Variants in TOP2B observed in about 807,000 individuals in gnomAD.
TOP2B encodes DNA topoisomerase 2-beta.
A neutral mutation model predicts 193.5 loss-of-function variants in TOP2B; 51 were observed. The observed-to-expected ratio is 0.26, with a 90% confidence interval of 0.21 to 0.33. The LOEUF is 0.33. TOP2B is among the 10% of genes least tolerant of loss of function. TOP2B has a pLI of 1.00. For missense variants in TOP2B, 1,378 were observed against 1,909.3 expected, an observed-to-expected ratio of 0.72 and a Z score of 5.19; for synonymous variants, 634 against 635.7, an observed-to-expected ratio of 1.00 and a Z score of 0.04.
chr3:25,598,206 T>TCATCACATTAAAATAAGC lies in TOP2B; in HGVS notation c.*83_*100dup. 8.0e-7 allele frequency: 1 copy of TCATCACATTAAAATAAGC among 1,249,822 alleles called. No individual in the cohort carries two copies. The highest frequency in any genetic ancestry group is 2.4e-5 in the East Asian group (1 of 42,004). 77.4% of individuals were successfully genotyped at this position (1,249,822 alleles called of 1,614,324 possible). ...CAATAATAAAAAACCGTCAATTACA[T>TCATCACATTAAAATAAGC]CATCACATTAAAATAAGCCAGATGT... On this transcript the variant is annotated 3_prime_UTR_variant, in exon 36 of 36. Coordinates refer to ENST00000264331, the MANE Select transcript of TOP2B (RefSeq NM_001330700.2).
chr3:25,620,831 G>A lies in TOP2B; in HGVS notation c.2728-15C>T, dbSNP rs1272007150. On this transcript the variant is annotated splice_polypyrimidine_tract_variant and intron_variant, in intron 21 of 35. Transcript: ENST00000264331. ...TAGTTTGGAAGCTGTAGAGAAAAAG[G>A]TAAATAGCATTGACTTCTCTCTTGA... 6.2e-7 allele frequency: 1 copy of A among 1,611,536 alleles called. No individual in the cohort carries two copies. Among genetic ancestry groups the A allele is most frequent in the African/African-American group, 1.3e-5 (1 of 74,900 alleles).
At chr3:25,641,530 A>C (rs923287136) in intron 4 of TOP2B, among the ~76,000 whole-genome samples, 1 of 130,992 alleles carries the variant, frequency 7.6e-6, no homozygotes, top group Non-Finnish European at 1.6e-5. Context: ...TTTAAAAAAA[A>C]ATGGAGAAAA....
intron 1 of TOP2B, among the ~76,000 whole-genome samples, chr3:25,655,158 T>G (rs1703707726): frequency 1.3e-5 from 2 of 152,164 alleles, no homozygotes; most frequent in Non-Finnish European, 2.9e-5. Context: ...ATCAAATGGT[T>G]AATATCCAAA....
chr3:25,645,322 C>A lies in TOP2B; in HGVS notation c.218G>T (p.Gly73Val). Reference sequence around the variant, plus strand: ...TACCTGCGTCAATGGCTCCACTGACCCAATATATGTATCAGGACGAAGAAG... The same window carrying A: ...TACCTGCGTCAATGGCTCCACTGACACAATATATGTATCAGGACGAAGAAG... The part of the protein sequence containing the change: ...HILLRPDTYI[G>V]SVEPLTQFMW... The change falls in exon 2 of 36, where the codon GGG becomes GTG. Residue 73 changes from glycine (G) to valine (V), a missense_variant. Gly to Val is a moderately radical substitution (Grantham distance 109). Transcript: ENST00000264331. 6.2e-7 allele frequency: 1 copy of A among 1,601,012 alleles called. No individual in the cohort carries two copies. Among genetic ancestry groups the A allele is most frequent in the South Asian group, 1.1e-5 (1 of 88,580 alleles).
chr3:25,643,023 T>C (rs1703308596), intron 3 of TOP2B, among the ~76,000 whole-genome samples: 1 of 152,086 alleles, frequency 6.6e-6, no homozygotes, highest in Non-Finnish European at 1.5e-5. Context: ...AGAGTAAAGG[T>C]ATAAAATGCA....
At position 25,615,191 on chromosome 3, in the gene TOP2B, G is replaced by A; in HGVS notation, c.3591+14C>T. The A allele has an allele frequency of 6.3e-7, 1 of 1,588,182 alleles. No homozygotes were observed. Among genetic ancestry groups the A allele is most frequent in the Non-Finnish European group, 8.6e-7 (1 of 1,169,244 alleles). On this transcript the variant is annotated intron_variant, in intron 27 of 35. Coordinates refer to ENST00000264331, the MANE Select transcript of TOP2B (RefSeq NM_001330700.2). ...TGACTTTTCCAAATAAATTTTAATA[G>A]AGACTTAACCTACATCCAGTTCTTC... is the stretch of plus-strand genomic sequence containing the variant.
At chr3:25,619,260 C>A (rs956006875) in intron 23 of TOP2B, among the ~76,000 whole-genome samples, 1 of 150,736 alleles carries the variant, frequency 6.6e-6, no homozygotes, top group African/African-American at 2.5e-5. Context: ...TGTCCCCTTT[C>A]TCTCGCTTTC....
chr3:25,612,683 A>G lies in TOP2B; in HGVS notation c.3618T>C (p.Asp1206=), dbSNP rs1702406307. Residue 1206 remains aspartate, a synonymous_variant, in exon 28 of 36, where the codon GAT becomes GAC. Transcript: ENST00000264331. ...CTTTTCCAGACATTCCAGCCAGAAC[A>G]TCTTCTCGTTCTTGAGATTCCACTT... ...LDKVESQERE[D]VLAGMSGKAI... is the part of the protein sequence containing the mutation. 1.2e-6 allele frequency: 2 copies of G among 1,613,454 alleles called. No homozygotes were observed. Among genetic ancestry groups the G allele is most frequent in the African/African-American group, 1.3e-5 (1 of 74,916 alleles).
Position 25,619,810 on chromosome 3 carries a change from C to T in TOP2B, c.3063+52G>A, listed in dbSNP as rs562984557. On this transcript the variant is annotated intron_variant, in intron 23 of 35. Coordinates refer to ENST00000264331, the MANE Select transcript of TOP2B (RefSeq NM_001330700.2). ...CATCATGAAACCAATTATAATAATCCGACTTATACCATGCAAGAAAGATTA... is the reference window on the plus strand; with the variant it reads ...CATCATGAAACCAATTATAATAATCTGACTTATACCATGCAAGAAAGATTA... 1.3e-4 allele frequency: 168 copies of T among 1,339,826 alleles called. 2 individuals carry two copies. Among genetic ancestry groups the T allele is most frequent in the South Asian group, 7.1e-4 (56 of 78,504 alleles). The allele number at this position is 1,339,826 out of a possible 1,614,324, so 83.0% of individuals were successfully genotyped here. A position where few individuals can be genotyped will look rare whatever the true frequency, so the allele number is the denominator to read the frequency against.
intron 2 of TOP2B, among the ~76,000 whole-genome samples, chr3:25,644,581 A>G (rs1411545147): frequency 6.6e-6 from 1 of 151,358 alleles, no homozygotes; most frequent in African/African-American, 2.4e-5. Flanking sequence ...CATGCCTGTA[A>G]TCCCAGCTAC....
At chr3:25,663,782 A>G (rs1703991092) in intron 1 of TOP2B, among the ~76,000 whole-genome samples, 2 of 152,242 alleles carry the variant, frequency 1.3e-5, no homozygotes, top group South Asian at 4.1e-4. Context: ...TTAAAGCCCC[A>G]GAAAGAGCTG....
At position 25,664,762 on chromosome 3, in the gene TOP2B, G is replaced by A; in HGVS notation, c.-465C>T. 4 of 988,434 alleles carry A rather than the reference G, an allele frequency of 4.0e-6. No homozygotes were observed. Among genetic ancestry groups the A allele is most frequent in the Non-Finnish European group, 4.8e-6 (4 of 830,794 alleles). 61.2% of individuals were successfully genotyped at this position (988,434 alleles called of 1,614,324 possible). A position where few individuals can be genotyped will look rare whatever the true frequency, so the allele number is the denominator to read the frequency against. ...CTCGAGTCGCCAGAGTAGTCGTCCCGGTCGCCGCCGCTGCTTCAAAGGCAG... is the reference window on the plus strand; with the variant it reads ...CTCGAGTCGCCAGAGTAGTCGTCCCAGTCGCCGCCGCTGCTTCAAAGGCAG... On this transcript the variant is annotated 5_prime_UTR_variant, in exon 1 of 36. Transcript: ENST00000264331.
chr3:25,616,390 T>C (rs1375809589), intron 25 of TOP2B, among the ~76,000 whole-genome samples: 1 of 150,012 alleles, frequency 6.7e-6, no homozygotes, highest in Non-Finnish European at 1.5e-5. Flanking sequence ...AAGCAAAAAG[T>C]TTACTTTTGG....
chr3:25,627,766 T>TG (rs1559499992), intron 15 of TOP2B, among the ~76,000 whole-genome samples: 1 of 152,010 alleles, frequency 6.6e-6, no homozygotes. Context: ...ATCCTGACTT[T>TG]GGAAAAAAAC....
chr3:25,635,874 G>T, intron 7 of TOP2B, 62 bp downstream of exon 7: 1 of 1,406,856 alleles, frequency 7.1e-7, no homozygotes, highest in East Asian at 2.4e-5. Flanking sequence ...AAAAAAGGAA[G>T]ACCCAACAAT....
chr3:25,630,602 TATAA>T (rs1289464312), intron 11 of TOP2B, 133 bp from the exon 12 acceptor site: 24 of 845,274 alleles, frequency 2.8e-5, no homozygotes, highest in Non-Finnish European at 4.1e-5. Context: ...TATTGCTCAG[TATAA>T]ATATTAAGTA....
intron 4 of TOP2B, among the ~76,000 whole-genome samples, chr3:25,640,785 T>C (rs1329704937): frequency 1.7e-5 from 2 of 119,838 alleles, no homozygotes; most frequent in Middle Eastern, 9.3e-3. Flanking sequence ...TGAGATGGGG[T>C]CTCGCTCTGT....
intron 23 of TOP2B, 126 bp downstream of exon 23, chr3:25,619,736 G>T: frequency 1.6e-6 from 1 of 631,644 alleles, no homozygotes. Flanking sequence ...TCTGCAGGAT[G>T]GGAAAAAAAA....
rs1702310544 is a variant in TOP2B, at chr3:25,609,308, T to A, written c.3968A>T (p.Lys1323Ile). The A allele has an allele frequency of 3.1e-6, 5 of 1,598,492 alleles. No homozygotes were observed. Among genetic ancestry groups the A allele is most frequent in the Non-Finnish European group, 4.3e-6 (5 of 1,170,988 alleles). ...RVRKTPTSSG[K>I]PSAKKVKKRN... The stretch of plus-strand genomic sequence containing the variant: ...TTTCTTCACTTTCTTTGCACTAGGT[T>A]TACCAGATGATGTAGGTGTTTTTCT... Residue 1323 changes from lysine (K) to isoleucine (I), a missense_variant, in exon 30 of 36, where the codon AAA becomes ATA. Coordinates refer to ENST00000264331, the MANE Select transcript of TOP2B (RefSeq NM_001330700.2).
Sources: gnomAD v4.1 joint callset for allele counts (sites outside exome capture counted in the v4.1 genomes callset) on GRCh38, gnomAD v4.1.1 for gene constraint, MANE v1.5 for transcripts, NCBI Gene and HGNC (gene_info 2026-07-23, HGNC 2026-07-21) for gene names.